Variants in TTC28 observed in about 807,000 individuals in gnomAD.
TTC28 encodes the protein tetratricopeptide repeat protein 28.
Under a neutral mutation model 198.0 loss-of-function variants are expected in TTC28, and 61 were observed. The observed-to-expected ratio is 0.31, with a 90% CI of 0.25 to 0.38. The LOEUF (loss-of-function observed/expected upper bound fraction) is 0.38. TTC28 is among the 10% of genes least tolerant of loss of function. The pLI is 1.00. For missense variants in TTC28, 2,678 were observed against 3,164.0 expected (o/e 0.85, Z 3.69); for synonymous variants, 1,171 against 1,297.8 (o/e 0.90, Z 2.10).
chr22:28,186,163 A>G (rs757558588), intron 5 of TTC28, among the ~76,000 whole-genome samples: 5 of 152,220 alleles, frequency 3.3e-5, no homozygotes, highest in Non-Finnish European at 5.9e-5. Context: ...AATCTGCAAC[A>G]ATTCTATTAC....
At chr22:28,306,297 G>A (rs1272831835) in intron 3 of TTC28, among the ~76,000 whole-genome samples, 199 bp downstream of exon 3, 3 of 152,150 alleles carry the variant, frequency 2.0e-5, no homozygotes, top group Non-Finnish European at 4.4e-5. Context: ...ACTTCTAGGT[G>A]AGTGGCCCTT....
rs576070605 is a variant in TTC28 at position 28,660,775 on chromosome 22, T to C, written c.102+18847A>G. Reference sequence around the variant, plus strand: ...CTGACCTCAGGTGATCCACCCACGTTGGCTTCCCAAAGTGCTGGGATTACA... The same window carrying C: ...CTGACCTCAGGTGATCCACCCACGTCGGCTTCCCAAAGTGCTGGGATTACA... On this transcript the variant is annotated intron_variant, in intron 1 of 22. Coordinates refer to ENST00000397906, the MANE Select transcript of TTC28 (RefSeq NM_001145418.2). Among the ~76,000 whole-genome samples the C allele has an allele frequency of 3.0e-4, 44 of 148,606 alleles. 1 individual carries two copies. The South Asian group carries it at 6.4e-3, about 21-fold the overall frequency.
intron 2 of TTC28, among the ~76,000 whole-genome samples, chr22:28,442,467 C>A (rs2047640121): frequency 6.6e-6 from 1 of 152,350 alleles, no homozygotes; most frequent in East Asian, 1.9e-4. Context: ...CCTTTTAACC[C>A]CTTGGGGAAA....
chr22:28,585,036 C>T (rs2050293306), intron 2 of TTC28, among the ~76,000 whole-genome samples: 1 of 152,066 alleles, frequency 6.6e-6, no homozygotes, highest in South Asian at 2.1e-4. Flanking sequence ...GGAAACTATC[C>T]TGTGAGAGAA....
intron 2 of TTC28, among the ~76,000 whole-genome samples, chr22:28,407,699 A>G (rs2047019921): frequency 6.6e-6 from 1 of 152,194 alleles, no homozygotes; most frequent in Non-Finnish European, 1.5e-5. Flanking sequence ...TAGTCTAGGT[A>G]TTTTTGCAGT....
intron 2 of TTC28, among the ~76,000 whole-genome samples, chr22:28,557,874 T>A (rs957446178): frequency 6.6e-6 from 1 of 152,334 alleles, no homozygotes; most frequent in Admixed American, 6.5e-5. Context: ...GGCTTAAGGC[T>A]AGAATTTCAT....
intron 2 of TTC28, among the ~76,000 whole-genome samples, chr22:28,590,189 G>A (rs1251249294): frequency 2.7e-5 from 4 of 147,650 alleles, no homozygotes; most frequent in Admixed American, 6.7e-5. Context: ...GTGCAGCGGC[G>A]CAATCTCGGC....
At chr22:28,220,718 A>G (rs1236677883) in intron 5 of TTC28, among the ~76,000 whole-genome samples, 2 of 152,196 alleles carry the variant, frequency 1.3e-5, no homozygotes, top group Non-Finnish European at 2.9e-5. Context: ...GCCATGTTCT[A>G]TTGGTTAGAA....
chr22:28,420,402 T>C (rs1248242821), intron 2 of TTC28, among the ~76,000 whole-genome samples: 3 of 152,096 alleles, frequency 2.0e-5, no homozygotes, highest in Non-Finnish European at 2.9e-5. Context: ...TTAAGTACTT[T>C]TCTAGTAGTT....
Position 28,323,040 on chromosome 22 carries a change from G to C in TTC28, c.382-16397C>G, listed in dbSNP as rs552466732. Among the ~76,000 whole-genome samples, 31 of 152,150 alleles carry C rather than the reference G, an allele frequency of 2.0e-4. 1 individual carries two copies. The highest frequency in any genetic ancestry group is 3.8e-4 in the Non-Finnish European group (26 of 68,038). On this transcript the variant is annotated intron_variant, in intron 2 of 22. Coordinates refer to ENST00000397906, the MANE Select transcript of TTC28 (RefSeq NM_001145418.2). ...CCAACTTGAGATTCCGAATCACATTGACAAAGTCCTTTATCATGTAAGGTA... is the reference window on the plus strand; with the variant it reads ...CCAACTTGAGATTCCGAATCACATTCACAAAGTCCTTTATCATGTAAGGTA...
At chr22:28,184,679 A>G (rs1292788054) in intron 5 of TTC28, among the ~76,000 whole-genome samples, 1 of 152,132 alleles carries the variant, frequency 6.6e-6, no homozygotes, top group Non-Finnish European at 1.5e-5. Context: ...GGTTATACTG[A>G]TAGATACGAT....
chr22:28,600,278 G>A lies in TTC28; in HGVS notation c.381+29274C>T, dbSNP rs191032208. On this transcript the variant is annotated intron_variant, in intron 2 of 22. Coordinates refer to ENST00000397906, the MANE Select transcript of TTC28 (RefSeq NM_001145418.2). ...AAAACAGCTGGGCATGGTGGCACAC[G>A]CCTGTAGTCCCCGCTACCTAAGAGG... Among the ~76,000 whole-genome samples the A allele has an allele frequency of 3.6e-4, 54 of 152,038 alleles. 1 individual carries two copies. Among genetic ancestry groups the A allele is most frequent in the East Asian group, 1.2e-3 (6 of 5,172 alleles).
At chr22:28,386,810 T>C (rs577192831) in intron 2 of TTC28, among the ~76,000 whole-genome samples, 2 of 152,114 alleles carry the variant, frequency 1.3e-5, no homozygotes, top group South Asian at 2.1e-4. Context: ...AGCTTTCTTA[T>C]AGTTTTTTTT....
At chr22:28,618,636 C>T (rs1401725015) in intron 2 of TTC28, among the ~76,000 whole-genome samples, 6 of 146,696 alleles carry the variant, frequency 4.1e-5, no homozygotes, top group Admixed American at 1.4e-4. Context: ...GAGCTGAGAT[C>T]GTGCCACTGC....
At chr22:28,071,918 T>A (rs938895018) in intron 12 of TTC28, among the ~76,000 whole-genome samples, 1 of 152,144 alleles carries the variant, frequency 6.6e-6, no homozygotes, top group Non-Finnish European at 1.5e-5. Flanking sequence ...GGAAAGAACA[T>A]CTCATTACTT....
chr22:28,618,784 A>G (rs1210366683), intron 2 of TTC28, among the ~76,000 whole-genome samples: 4 of 152,100 alleles, frequency 2.6e-5, no homozygotes, highest in African/African-American at 9.7e-5. Flanking sequence ...AAATACCATT[A>G]CCAGAGAAGA....
At chr22:28,006,542 C>A (rs1937936070) in intron 14 of TTC28, 1 of 152,222 alleles carries the variant, frequency 6.6e-6, no homozygotes, top group African/African-American at 2.4e-5. Context: ...CAAATGGCTT[C>A]TCTGGAACAT....
intron 12 of TTC28, among the ~76,000 whole-genome samples, chr22:28,038,007 T>G (rs1036918261): frequency 1.1e-4 from 16 of 151,988 alleles, no homozygotes; most frequent in East Asian, 1.9e-4. Flanking sequence ...CACTGCTCAA[T>G]GAAATAAAAG....
At chr22:28,669,917 G>A (rs965592844) in intron 1 of TTC28, among the ~76,000 whole-genome samples, 8 of 151,876 alleles carry the variant, frequency 5.3e-5, no homozygotes, top group Non-Finnish European at 8.8e-5. Context: ...GTTTATTACT[G>A]GATTAAATAA....
Sources: gnomAD v4.1 joint callset for allele counts (sites outside exome capture counted in the v4.1 genomes callset) on GRCh38, gnomAD v4.1.1 for gene constraint, MANE v1.5 for transcripts, NCBI Gene and HGNC (gene_info 2026-07-23, HGNC 2026-07-21) for gene names.